Variants in RANBP2 observed in about 807,000 individuals in gnomAD.
RANBP2 encodes E3 SUMO-protein ligase RanBP2.
RANBP2 carries 57 observed loss-of-function variants against 303.6 expected under a neutral mutation model. The observed-to-expected ratio is 0.19, with a 90% CI of 0.15 to 0.23. The LOEUF is 0.23. Ranked by LOEUF, RANBP2 falls within the 10% of genes least tolerant of loss-of-function variation. RANBP2 has a pLI of 1.00. For missense variants in RANBP2, 3,138 were observed against 3,780.8 expected (o/e 0.83, Z 4.46); for synonymous variants, 1,167 against 1,301.5 (o/e 0.90, Z 2.23).
At chr2:109,601,884 G>A in the RANBP2 span, among the ~76,000 whole-genome samples, 1 of 151,944 alleles carries the variant, frequency 6.6e-6, no homozygotes. Context: ...TTTTCCCAAT[G>A]TTGTTAGCCT....
At chr2:109,469,734 C>T in the RANBP2 span, among the ~76,000 whole-genome samples, 3 of 152,150 alleles carry the variant, frequency 2.0e-5, no homozygotes, top group Admixed American at 2.0e-4. Flanking sequence ...AAAGCTTAAC[C>T]ATTATGTTTT....
chr2:108,747,579 T>C (rs911496436), intron 8 of RANBP2, among the ~76,000 whole-genome samples: 3 of 152,226 alleles, frequency 2.0e-5, no homozygotes, highest in African/African-American at 7.2e-5. Context: ...TTTCTACTTT[T>C]TTCCTTTTCT....
intron 25 of RANBP2, among the ~76,000 whole-genome samples, chr2:108,780,696 T>G (rs1268484779): frequency 6.6e-6 from 1 of 150,780 alleles, no homozygotes; most frequent in African/African-American, 2.4e-5. Flanking sequence ...CTCCCGGCTT[T>G]TCTTTTCTTT....
the RANBP2 span, among the ~76,000 whole-genome samples, chr2:109,641,849 A>C: frequency 6.6e-6 from 1 of 152,168 alleles, no homozygotes; most frequent in South Asian, 2.1e-4. Flanking sequence ...CTTGTTGCCC[A>C]GGCTGGAGTA....
chr2:109,656,020 T>C, the RANBP2 span, among the ~76,000 whole-genome samples: 17 of 152,176 alleles, frequency 1.1e-4, no homozygotes, highest in Admixed American at 1.1e-3. Context: ...CTAACCATTC[T>C]TCTAAGTCTA....
chr2:108,962,192 G>A, the RANBP2 span, among the ~76,000 whole-genome samples: 59 of 152,302 alleles, frequency 3.9e-4, no homozygotes, highest in African/African-American at 1.2e-3. Flanking sequence ...GGCAGATGGC[G>A]CATTGCAGAT....
At chr2:109,277,146 T>A in the RANBP2 span, among the ~76,000 whole-genome samples, 1 of 152,154 alleles carries the variant, frequency 6.6e-6, no homozygotes, top group African/African-American at 2.4e-5. Flanking sequence ...GGGTGGCAGG[T>A]CAGCCTTCTG....
chr2:109,308,923 A>T, the RANBP2 span, among the ~76,000 whole-genome samples: 21 of 80,320 alleles, frequency 2.6e-4, 8 homozygotes, highest in Admixed American at 1.0e-3. Context: ...TTTTGGTTCC[A>T]TGTGAACTTT....
the RANBP2 span, among the ~76,000 whole-genome samples, chr2:109,293,545 C>T: frequency 1.3e-5 from 2 of 152,254 alleles, no homozygotes; most frequent in Non-Finnish European, 2.9e-5. Flanking sequence ...CCCCTGCATG[C>T]ACTGACCACT....
chr2:109,410,551 C>T, the RANBP2 span, among the ~76,000 whole-genome samples: 8 of 152,348 alleles, frequency 5.3e-5, no homozygotes, highest in Non-Finnish European at 1.2e-4. Flanking sequence ...CACTACTGGG[C>T]TCATGTGAAA....
At chr2:109,016,771 T>C in the RANBP2 span, among the ~76,000 whole-genome samples, 6 of 152,124 alleles carry the variant, frequency 3.9e-5, no homozygotes, top group African/African-American at 1.4e-4. Context: ...TGAGAATAAA[T>C]GATTATGTGA....
At chr2:108,889,820 C>T in the RANBP2 span, among the ~76,000 whole-genome samples, 3 of 152,032 alleles carry the variant, frequency 2.0e-5, no homozygotes, top group Non-Finnish European at 4.4e-5. Flanking sequence ...GTTGTCTTTT[C>T]TGGTTGTTTC....
the RANBP2 span, among the ~76,000 whole-genome samples, chr2:109,443,393 C>A: frequency 6.6e-6 from 1 of 152,178 alleles, no homozygotes; most frequent in African/African-American, 2.4e-5. Context: ...AAACAAAAAT[C>A]GCCTTGTTCA....
the RANBP2 span, among the ~76,000 whole-genome samples, chr2:109,253,384 A>G: frequency 2.0e-5 from 3 of 152,136 alleles, no homozygotes; most frequent in Non-Finnish European, 2.9e-5. Context: ...AGTGTTTACA[A>G]AGAAGAGGCC....
chr2:109,414,849 A>C, the RANBP2 span, among the ~76,000 whole-genome samples: 6 of 152,172 alleles, frequency 3.9e-5, no homozygotes, highest in African/African-American at 7.2e-5. Context: ...TTCAGACCTA[A>C]TCTTGTTGGT....
chr2:108,755,150 G>C lies in RANBP2; in HGVS notation c.2383-26G>C, dbSNP rs1187884769. 43 of 1,611,676 alleles carry C rather than the reference G, an allele frequency of 2.7e-5. No homozygotes were observed. In the East Asian group the frequency reaches 6.7e-4, roughly 25 times the overall value. ...TTCTGTTCTAAGTGTTTTAAATGCT[G>C]TTTTGTTATTTTTATTTTTTTTTAG... is the stretch of plus-strand genomic sequence containing the variant. On this transcript the variant is annotated intron_variant, in intron 16 of 28. Coordinates refer to ENST00000283195, the MANE Select transcript of RANBP2 (RefSeq NM_006267.5).
chr2:109,630,120 G>T, the RANBP2 span, among the ~76,000 whole-genome samples: 2 of 152,156 alleles, frequency 1.3e-5, no homozygotes, highest in Non-Finnish European at 2.9e-5. Context: ...CTGGAGGATT[G>T]CATGTATTAT....
the RANBP2 span, among the ~76,000 whole-genome samples, chr2:108,949,285 A>G: frequency 1.3e-5 from 2 of 152,236 alleles, no homozygotes; most frequent in African/African-American, 4.8e-5. Context: ...CCTGGCTAAC[A>G]TAGGCTATTT....
the RANBP2 span, among the ~76,000 whole-genome samples, chr2:109,673,265 CTAAG>C: frequency 3.3e-5 from 5 of 152,132 alleles, no homozygotes; most frequent in Non-Finnish European, 7.4e-5. Context: ...GGGGACAGTA[CTAAG>C]TGTTTCTTTT....
Sources: allele counts gnomAD v4.1 joint callset (sites outside exome capture counted in the v4.1 genomes callset), GRCh38; gene constraint gnomAD v4.1.1; transcripts MANE v1.5; gene names NCBI Gene and HGNC (gene_info 2026-07-23, HGNC 2026-07-21).